MEMO1: variants seen among roughly 807,000 people sequenced by gnomAD.
MEMO1 encodes the protein protein MEMO1.
Under a neutral mutation model 45.2 loss-of-function variants are expected in MEMO1, and 6 were observed. The ratio of observed to expected loss-of-function variants is 0.13; its 90% CI spans 0.07 to 0.26. The LOEUF (loss-of-function observed/expected upper bound fraction) is 0.26. MEMO1 is among the 10% of genes least tolerant of loss of function. The probability of loss-of-function intolerance (pLI) is 1.00; values close to 1 mark genes in which losing one functional copy is unlikely to be tolerated. For missense variants in MEMO1, 184 were observed against 370.5 expected (o/e 0.50, Z 4.13); for synonymous variants, 78 against 124.3 (o/e 0.63, Z 2.48).
chr2:31,945,152 A>G (rs1169497863), intron 2 of MEMO1, among the ~76,000 whole-genome samples: 1 of 152,194 alleles, frequency 6.6e-6, no homozygotes, highest in Non-Finnish European at 1.5e-5. Flanking sequence ...ACCTTCTGCA[A>G]CTTGCTTTAG....
At chr2:31,905,967 TTTTC>T (rs1679624609) in intron 6 of MEMO1, among the ~76,000 whole-genome samples, 3 of 152,268 alleles carry the variant, frequency 2.0e-5, no homozygotes, top group Middle Eastern at 3.4e-3. Flanking sequence ...GCTATTCTTT[TTTTC>T]TTTATTTTTT....
At chr2:31,935,488 C>A (rs559762122) in intron 3 of MEMO1, among the ~76,000 whole-genome samples, 161 of 152,002 alleles carry the variant, frequency 1.1e-3, no homozygotes, top group African/African-American at 3.6e-3. Context: ...AAGACAGTTA[C>A]AGGGAGAGAA....
At chr2:31,874,308 G>A (rs1054190169) in intron 8 of MEMO1, among the ~76,000 whole-genome samples, 1 of 151,996 alleles carries the variant, frequency 6.6e-6, no homozygotes, top group Non-Finnish European at 1.5e-5. Flanking sequence ...AGTAATTATT[G>A]ACATTGCAAA....
intron 8 of MEMO1, among the ~76,000 whole-genome samples, chr2:31,879,392 C>A (rs549644607): frequency 2.0e-5 from 3 of 152,176 alleles, no homozygotes; most frequent in Non-Finnish European, 4.4e-5. Flanking sequence ...TCTAACTCCC[C>A]CTTTGTTCCT....
chr2:31,889,940 C>T (rs1676723203), intron 7 of MEMO1, among the ~76,000 whole-genome samples: 1 of 151,982 alleles, frequency 6.6e-6, no homozygotes, highest in South Asian at 2.1e-4. Flanking sequence ...TTTTTTGTAA[C>T]TATCACCTGG....
chr2:31,944,423 T>C (rs1665964592), intron 2 of MEMO1, among the ~76,000 whole-genome samples: 1 of 152,210 alleles, frequency 6.6e-6, no homozygotes, highest in Non-Finnish European at 1.5e-5. Context: ...ACTTTCCCAG[T>C]TTTAGCACTG....
chr2:31,933,348 A>ATATATATATATATATAT (rs869203385), intron 3 of MEMO1, among the ~76,000 whole-genome samples: 1 of 16,172 alleles, frequency 6.2e-5, no homozygotes, highest in African/African-American at 2.4e-4. Flanking sequence ...AAAAAAAAAA[A>ATATATATATATATATAT]ATTTATATAT....
chr2:32,002,144 CAAAAAAAAAAAAA>C (rs1156408005), intron 2 of MEMO1, among the ~76,000 whole-genome samples: 1 of 55,694 alleles, frequency 1.8e-5, no homozygotes, highest in Admixed American at 3.3e-4. Context: ...GACTCTGTCT[CAAAAAAAAAAAAA>C]AAAAAAAAAA....
At chr2:31,921,127 G>A (rs1212034404) in intron 4 of MEMO1, among the ~76,000 whole-genome samples, 2 of 152,144 alleles carry the variant, frequency 1.3e-5, no homozygotes, top group African/African-American at 4.8e-5. Flanking sequence ...GGTCTTCAAA[G>A]AGGCGATTAA....
At chr2:32,005,555 T>TACACTCCCTGGATCCCTA (rs1673962752) in intron 2 of MEMO1, among the ~76,000 whole-genome samples, 1 of 152,088 alleles carries the variant, frequency 6.6e-6, no homozygotes, top group East Asian at 1.9e-4. Flanking sequence ...TTAAAAATCT[T>TACACTCCCTGGATCCCTA]ACACTCCCTG....
intron 3 of MEMO1, among the ~76,000 whole-genome samples, chr2:31,942,534 G>C (rs113386491): frequency 6.6e-6 from 1 of 150,612 alleles, no homozygotes; most frequent in African/African-American, 2.4e-5. Context: ...TTTGAGATAG[G>C]GCCTCACTGT....
intron 8 of MEMO1, among the ~76,000 whole-genome samples, chr2:31,874,252 A>G (rs1191390494): frequency 2.6e-5 from 4 of 152,124 alleles, no homozygotes; most frequent in African/African-American, 7.2e-5. Flanking sequence ...TCAAGTAAGT[A>G]AAGTTTACAA....
At chr2:31,905,955 G>C (rs779994235) in intron 6 of MEMO1, among the ~76,000 whole-genome samples, 5 of 151,932 alleles carry the variant, frequency 3.3e-5, no homozygotes, top group Non-Finnish European at 5.9e-5. Flanking sequence ...CCATCAAGGA[G>C]AGCTATTCTT....
At chr2:31,904,435 T>A (rs1679366202) in intron 6 of MEMO1, among the ~76,000 whole-genome samples, 1 of 152,220 alleles carries the variant, frequency 6.6e-6, no homozygotes, top group Admixed American at 6.5e-5. Context: ...TCCTGGATTT[T>A]AAATGTTAAA....
chr2:31,985,027 A>G (rs1397893999), intron 2 of MEMO1, among the ~76,000 whole-genome samples: 1 of 152,242 alleles, frequency 6.6e-6, no homozygotes, highest in Admixed American at 6.5e-5. Flanking sequence ...CAGTAAATCT[A>G]AAATCTTTCC....
intron 6 of MEMO1, among the ~76,000 whole-genome samples, chr2:31,899,174 G>GA (rs1296546283): frequency 1.3e-5 from 2 of 152,030 alleles, no homozygotes; most frequent in Non-Finnish European, 2.9e-5. Flanking sequence ...CACAGAATTA[G>GA]AAAAAACTAC....
intron 4 of MEMO1, among the ~76,000 whole-genome samples, chr2:31,927,545 T>C (rs1486706239): frequency 1.3e-5 from 2 of 151,070 alleles, no homozygotes; most frequent in African/African-American, 4.9e-5. Context: ...GGTGAATGCA[T>C]AACCAGATAT....
At chr2:31,951,320 G>A (rs1666818719) in intron 2 of MEMO1, among the ~76,000 whole-genome samples, 1 of 152,024 alleles carries the variant, frequency 6.6e-6, no homozygotes, top group Non-Finnish European at 1.5e-5. Context: ...GAAAAAGTGT[G>A]GGAAAACATA....
intron 2 of MEMO1, chr2:31,963,271 A>G (rs2148418944): frequency 6.5e-7 from 1 of 1,533,292 alleles, no homozygotes; most frequent in Non-Finnish European, 8.8e-7. Context: ...CTCTTTCTAT[A>G]TTGAAGATAA....
Sources: allele counts gnomAD v4.1 joint callset (sites outside exome capture counted in the v4.1 genomes callset), GRCh38; gene constraint gnomAD v4.1.1; transcripts MANE v1.5; gene names NCBI Gene and HGNC (gene_info 2026-07-23, HGNC 2026-07-21).